CAMK1D: variants seen among roughly 807,000 people sequenced by gnomAD.
CAMK1D encodes the protein calcium/calmodulin dependent protein kinase ID.
Under a neutral mutation model 47.7 loss-of-function variants are expected in CAMK1D, and 9 were observed. The observed-to-expected ratio is 0.19, with a 90% CI of 0.11 to 0.33. The LOEUF (loss-of-function observed/expected upper bound fraction) is 0.33. Ranked by LOEUF, CAMK1D falls within the 10% of genes least tolerant of loss-of-function variation. The pLI, the probability that CAMK1D is intolerant of heterozygous loss-of-function variation, is 1.00. For missense variants in CAMK1D, 291 were observed against 488.7 expected, an observed-to-expected ratio of 0.60 and a Z score of 3.81; for synonymous variants, 184 against 184.9, an observed-to-expected ratio of 0.99 and a Z score of 0.04.
intron 4 of CAMK1D, among the ~76,000 whole-genome samples, chr10:12,762,688 T>G (rs1836565544): frequency 1.3e-5 from 2 of 152,196 alleles, no homozygotes; most frequent in Non-Finnish European, 2.9e-5. Context: ...TTTGGGAATC[T>G]TAGTGGATCC....
chr10:12,638,815 G>A (rs1839584553), intron 2 of CAMK1D, among the ~76,000 whole-genome samples: 1 of 152,222 alleles, frequency 6.6e-6, no homozygotes, highest in African/African-American at 2.4e-5. Flanking sequence ...AACAGTGGGA[G>A]TGAGCGAGGG....
intron 1 of CAMK1D, among the ~76,000 whole-genome samples, chr10:12,433,268 C>A (rs143364124): frequency 6.6e-6 from 1 of 152,268 alleles, no homozygotes; most frequent in East Asian, 1.9e-4. Flanking sequence ...TGGAGCTTTG[C>A]TGATCATTCT....
intron 3 of CAMK1D, among the ~76,000 whole-genome samples, chr10:12,713,219 C>A (rs1157954136): frequency 6.6e-6 from 1 of 152,130 alleles, no homozygotes. Flanking sequence ...TACAAGCGCA[C>A]GCCACCAGGC....
intron 1 of CAMK1D, among the ~76,000 whole-genome samples, chr10:12,521,987 A>C (rs923682336): frequency 9.1e-6 from 1 of 110,428 alleles, no homozygotes; most frequent in Non-Finnish European, 2.1e-5. Context: ...TATAGATAGC[A>C]TATATTTGAA....
chr10:12,794,019 G>A (rs1397168949), intron 6 of CAMK1D, among the ~76,000 whole-genome samples: 1 of 152,204 alleles, frequency 6.6e-6, no homozygotes, highest in Admixed American at 6.5e-5. Flanking sequence ...GAACAGTGTT[G>A]TGATCTGATC....
chr10:12,445,606 C>A (rs1832903086), intron 1 of CAMK1D, among the ~76,000 whole-genome samples: 1 of 152,152 alleles, frequency 6.6e-6, no homozygotes, highest in African/African-American at 2.4e-5. Context: ...TGGAAACTTT[C>A]CCAAGGCCGT....
intron 1 of CAMK1D, among the ~76,000 whole-genome samples, chr10:12,372,432 C>T (rs754485102): frequency 5.9e-5 from 9 of 152,190 alleles, no homozygotes; most frequent in Non-Finnish European, 1.3e-4. Context: ...AGGTATCTGT[C>T]TGGGGCCAAA....
chr10:12,405,379 C>T (rs953329968), intron 1 of CAMK1D, among the ~76,000 whole-genome samples: 19 of 152,136 alleles, frequency 1.2e-4, no homozygotes, highest in African/African-American at 3.6e-4. Context: ...CAGCGAGCCT[C>T]GGAGTCATGT....
rs1027089005 is a variant in CAMK1D, at chr10:12,676,544, G to A, written c.299+9734G>A. On this transcript the variant is annotated intron_variant, in intron 3 of 10. Transcript: ENST00000619168. ...TTAACTGATATGATCACCTGGGAATGTAATAATGGTTAGCATATCTCTTTA... is the reference window on the plus strand; with the variant it reads ...TTAACTGATATGATCACCTGGGAATATAATAATGGTTAGCATATCTCTTTA... Among the ~76,000 whole-genome samples, 3 of 152,310 alleles carry A rather than the reference G, an allele frequency of 2.0e-5. No individual in the cohort carries two copies. The East Asian group carries it at 5.8e-4, about 29-fold the overall frequency.
intron 1 of CAMK1D, among the ~76,000 whole-genome samples, chr10:12,515,297 T>G (rs1191048760): frequency 6.6e-6 from 1 of 151,996 alleles, no homozygotes; most frequent in Admixed American, 6.6e-5. Context: ...TTCCCATAAC[T>G]TCGCCAGATT....
intron 1 of CAMK1D, among the ~76,000 whole-genome samples, chr10:12,551,410 G>A (rs557161393): frequency 1.7e-4 from 26 of 152,270 alleles, no homozygotes; most frequent in African/African-American, 5.1e-4. Context: ...TGATTTCTAC[G>A]TTATGGCAAG....
At chr10:12,804,757 G>A (rs1205037955) in intron 6 of CAMK1D, among the ~76,000 whole-genome samples, 6 of 140,190 alleles carry the variant, frequency 4.3e-5, no homozygotes, top group Admixed American at 7.4e-5. Flanking sequence ...AACACAGCAA[G>A]ACCCTGTCTG....
intron 6 of CAMK1D, among the ~76,000 whole-genome samples, chr10:12,806,142 C>T (rs895970481): frequency 6.6e-6 from 1 of 152,192 alleles, no homozygotes; most frequent in Non-Finnish European, 1.5e-5. Context: ...GGAATTTTCT[C>T]GATTGAGGAT....
intron 1 of CAMK1D, among the ~76,000 whole-genome samples, chr10:12,497,457 C>T (rs996331304): frequency 3.1e-5 from 4 of 128,448 alleles, no homozygotes; most frequent in African/African-American, 9.2e-5. Context: ...AGCCTGGTGA[C>T]GGAGCAAGAC....
At chr10:12,572,866 C>T (rs1321199236) in intron 2 of CAMK1D, among the ~76,000 whole-genome samples, 1 of 152,124 alleles carries the variant, frequency 6.6e-6, no homozygotes, top group African/African-American at 2.4e-5. Flanking sequence ...CTCTTGGGCT[C>T]AAGCCATCCT....
chr10:12,827,952 T>C (rs372752717), intron 10 of CAMK1D, among the ~76,000 whole-genome samples: 276 of 152,298 alleles, frequency 1.8e-3, no homozygotes, highest in African/African-American at 6.3e-3. Flanking sequence ...AGTGTTGAGA[T>C]TACAGGCGTC....
intron 1 of CAMK1D, among the ~76,000 whole-genome samples, chr10:12,480,956 C>T (rs1834047196): frequency 6.6e-6 from 1 of 152,172 alleles, no homozygotes; most frequent in Non-Finnish European, 1.5e-5. Context: ...CTCCAACAGC[C>T]CTTGGTCATT....
chr10:12,515,418 C>CTTTTTTTTTTTTTT (rs55732103), intron 1 of CAMK1D, among the ~76,000 whole-genome samples: 78 of 98,976 alleles, frequency 7.9e-4, no homozygotes, highest in South Asian at 1.0e-3. Context: ...TTTTTTTTTT[C>CTTTTTTTTTTTTTT]TTTTTTTTTT....
intron 2 of CAMK1D, among the ~76,000 whole-genome samples, chr10:12,659,678 TTAGA>T (rs1189368173): frequency 2.0e-5 from 3 of 152,186 alleles, no homozygotes; most frequent in Non-Finnish European, 2.9e-5. Context: ...AAGCGTTTAC[TTAGA>T]TAAACGGGAG....
Sources: gnomAD v4.1 joint callset for allele counts (sites outside exome capture counted in the v4.1 genomes callset) on GRCh38, gnomAD v4.1.1 for gene constraint, MANE v1.5 for transcripts, NCBI Gene and HGNC (gene_info 2026-07-23, HGNC 2026-07-21) for gene names.